Variants in COL20A1 observed in about 807,000 individuals in gnomAD.
The protein encoded by COL20A1 is collagen type XX alpha 1 chain.
In COL20A1, 164 loss-of-function variants were observed where a neutral mutation model predicts 152.9. That is an observed-to-expected ratio of 1.07 (90% CI 0.94 to 1.22). COL20A1 has a LOEUF of 1.22. Ranked by LOEUF, COL20A1 falls within the 50% of genes most tolerant of loss-of-function variation. The probability of loss-of-function intolerance (pLI) is 0.00; values close to 1 mark genes in which losing one functional copy is unlikely to be tolerated. For synonymous variants in COL20A1, 864 were observed against 756.0 expected (o/e 1.14, Z -2.34); for missense variants, 1,873 against 1,744.8 (o/e 1.07, Z -1.31).
chr20:63,305,899 G>C lies in COL20A1; in HGVS notation c.356G>C (p.Ser119Thr). Residue 119 changes from serine to threonine, a missense_variant, in exon 5 of 36, where the codon AGC (serine) becomes ACC (threonine). Coordinates refer to ENST00000358894, the MANE Select transcript of COL20A1 (RefSeq NM_020882.4). The surrounding 1 kb of genome is among the most constrained non-coding windows in gnomAD (Gnocchi z 4.9). ...REFVIEDLKS[S>T]SLDRSSQRPL... ...CCTGCAGTTGAGGATCTGAAGAGTA[G>C]CTCCCTGGACAGGAGCAGCCAGAGG... 4 of 1,613,038 alleles carry C rather than the reference G, an allele frequency of 2.5e-6. No individual in the cohort carries two copies. The highest frequency in any genetic ancestry group is 3.4e-6 in the Non-Finnish European group (4 of 1,179,850).
intron 35 of COL20A1, among the ~76,000 whole-genome samples, chr20:63,329,894 A>T (rs1029735504): frequency 6.6e-6 from 1 of 151,960 alleles, no homozygotes; most frequent in Non-Finnish European, 1.5e-5. Flanking sequence ...GTGGGGTCAC[A>T]GGACGTGGGG....
chr20:63,311,798 G>T lies in COL20A1; in HGVS notation c.1663+50G>T. 1 of 1,548,924 alleles carries T rather than the reference G, an allele frequency of 6.5e-7. No individual in the cohort carries two copies. On this transcript the variant is annotated intron_variant, in intron 13 of 35. Transcript: ENST00000358894. This position sits in a 1 kb window ranked among gnomAD's most constrained non-coding sequence, Gnocchi z 4.4. ...TGCCCACAGGCGGGTGCCCCATCTT[G>T]TTCCTCAGCCTTCCATGGCATGGGA...
chr20:63,316,973 T>C (rs1258896938), intron 21 of COL20A1, among the ~76,000 whole-genome samples: 1 of 152,198 alleles, frequency 6.6e-6, no homozygotes, highest in East Asian at 1.9e-4. Flanking sequence ...TGAGGGCTGA[T>C]CAAACACGCA....
chr20:63,307,678 C>T (rs747724671), intron 6 of COL20A1, 30 bp downstream of exon 6: 25 of 1,599,774 alleles, frequency 1.6e-5, no homozygotes, highest in Non-Finnish European at 2.1e-5. Context: ...GCCTCCTGCC[C>T]CACCCGGGTG....
At chr20:63,320,919 TG>T in intron 25 of COL20A1, 93 bp from the exon 26 acceptor site, 1 of 968,808 alleles carries the variant, frequency 1.0e-6, no homozygotes, top group Non-Finnish European at 1.6e-6. Flanking sequence ...GAAGTCTCCC[TG>T]GAGCCCAGGT....
chr20:63,311,583 C>A lies in COL20A1; in HGVS notation c.1540-42C>A, dbSNP rs1486207004. 6.2e-7 allele frequency: 1 copy of A among 1,609,908 alleles called. No homozygotes were observed. The highest frequency in any genetic ancestry group is 8.5e-7 in the Non-Finnish European group (1 of 1,179,320). ...TGGCGGGGGAGGCAGAGGAGTGGGG[C>A]AGAGCGAGTGGGGGCTGGCCTGGGA... is the stretch of plus-strand genomic sequence containing the variant. On this transcript the variant is annotated intron_variant, in intron 12 of 35. Transcript: ENST00000358894. The surrounding 1 kb of genome is among the most constrained non-coding windows in gnomAD (Gnocchi z 4.4).
At chr20:63,300,975 A>G (rs751269712) in intron 3 of COL20A1, among the ~76,000 whole-genome samples, 1 of 152,068 alleles carries the variant, frequency 6.6e-6, no homozygotes, top group South Asian at 2.1e-4. Flanking sequence ...TTCTTCCTTC[A>G]TTGCATTGTG....
intron 31 of COL20A1, chr20:63,327,070 AGGACTTCCTGTCGCTCTCCCAG>A (rs1393810961): frequency 4.6e-6 from 2 of 432,200 alleles, no homozygotes; most frequent in African/African-American, 2.1e-5. Context: ...TGACCACCCA[AGGACTTCCTGTCGCTCTCCCAG>A]GGACTTCCTG....
rs144294821 is a variant in COL20A1, at chr20:63,321,558, C to T, written c.3240+459C>T. ...CGGCTGTGAGTCACAGCCACTTGGACGGCCACTGTCCTGGGTGCTGGCAGC... is the reference window on the plus strand; with the variant it reads ...CGGCTGTGAGTCACAGCCACTTGGATGGCCACTGTCCTGGGTGCTGGCAGC... On this transcript the variant is annotated intron_variant, in intron 26 of 35. Transcript: ENST00000358894. Among the ~76,000 whole-genome samples the T allele has an allele frequency of 6.9e-3, 1,056 of 152,326 alleles. 5 individuals carry two copies. Among genetic ancestry groups the T allele is most frequent in the Non-Finnish European group, 9.6e-3 (651 of 68,016 alleles).
Position 63,313,853 on chromosome 20 carries a change from A to G in COL20A1, c.2320A>G (p.Thr774Ala). The G allele has an allele frequency of 6.2e-7, 1 of 1,609,018 alleles. No homozygotes were observed. The highest frequency in any genetic ancestry group is 8.5e-7 in the Non-Finnish European group (1 of 1,177,992). ...TGGCCGCGTGCTCCATTACTGGCTCACCTACGCCCCCGCCTCTGGCTTGGG... is the reference window on the plus strand; with the variant it reads ...TGGCCGCGTGCTCCATTACTGGCTCGCCTACGCCCCCGCCTCTGGCTTGGG... ...PLGRVLHYWL[T>A]YAPASGLGPE... The change falls in exon 18 of 36, where the codon ACC (threonine) becomes GCC (alanine). Residue 774 changes from threonine (T) to alanine (A), a missense_variant. Thr to Ala is a moderately conservative substitution (Grantham distance 58). Coordinates refer to ENST00000358894, the MANE Select transcript of COL20A1 (RefSeq NM_020882.4). The surrounding 1 kb of genome is among the most constrained non-coding windows in gnomAD (Gnocchi z 5.9).
rs1033557457 is a variant in COL20A1, at chr20:63,334,155, C to G, written c.*3439C>G. The stretch of plus-strand genomic sequence containing the variant: ...CTGGGCCATAAGAAACCTTACATTC[C>G]AAAGGATCCTGCTGTTCAGAACTCA... On this transcript the variant is annotated 3_prime_UTR_variant, in exon 36 of 36. Transcript: ENST00000358894. 1.3e-5 allele frequency: 2 copies of G among 152,170 alleles called. No individual in the cohort carries two copies. Among genetic ancestry groups the G allele is most frequent in the African/African-American group, 4.8e-5 (2 of 41,404 alleles). 9.4% of individuals were successfully genotyped at this position (152,170 alleles called of 1,614,324 possible). A position where few individuals can be genotyped will look rare whatever the true frequency, so the allele number is the denominator to read the frequency against.
At chr20:63,297,889 C>G (rs1568762269) in intron 2 of COL20A1, 21 bp from the exon 3 acceptor site, 1 of 1,601,726 alleles carries the variant, frequency 6.2e-7, no homozygotes, top group East Asian at 2.2e-5. Context: ...CAGTCCTGAC[C>G]ACTATGTCCT....
intron 21 of COL20A1, among the ~76,000 whole-genome samples, chr20:63,317,006 C>T (rs929742715): frequency 6.6e-6 from 1 of 150,956 alleles, no homozygotes; most frequent in Non-Finnish European, 1.5e-5. Flanking sequence ...TGACCTGAGG[C>T]GATGGGCCAA....
chr20:63,325,801 G>A (rs1015310518), intron 29 of COL20A1, 80 bp downstream of exon 29: 6 of 1,303,710 alleles, frequency 4.6e-6, no homozygotes, highest in Middle Eastern at 3.8e-4. Context: ...GATGGAGGCT[G>A]TGGGGTAGGG....
At position 63,326,787 on chromosome 20, in the gene COL20A1, T is replaced by A; in HGVS notation, c.3492T>A (p.Ser1164Arg). ...GCATGGCAGGGGCCAGGGGCACTAG[T>A]GGAGAGCGAGGACCTCCAGGGACCG... is the stretch of plus-strand genomic sequence containing the variant. ...FQGMAGARGT[S>R]GERGPPGTVG... The change falls in exon 31 of 36, where the codon AGT becomes AGA. Residue 1164 changes from serine (S) to arginine (R), a missense_variant. Coordinates refer to ENST00000358894, the MANE Select transcript of COL20A1 (RefSeq NM_020882.4). 6.7e-7 allele frequency: 1 copy of A among 1,500,064 alleles called. No homozygotes were observed. The highest frequency in any genetic ancestry group is 8.8e-7 in the Non-Finnish European group (1 of 1,136,538). The allele number at this position is 1,500,064 out of a possible 1,614,324, so 92.9% of individuals were successfully genotyped here.
intron 3 of COL20A1, among the ~76,000 whole-genome samples, chr20:63,299,624 G>C (rs868578830): frequency 2.6e-5 from 4 of 152,254 alleles, no homozygotes; most frequent in African/African-American, 2.4e-5. Context: ...GCTGTTTTCT[G>C]TTTTGCCTTT....
rs1400895593 is a variant in COL20A1, at chr20:63,308,046, C to T, written c.731C>T (p.Ala244Val). The T allele has an allele frequency of 1.2e-6, 2 of 1,612,578 alleles. No individual in the cohort carries two copies. Among genetic ancestry groups the T allele is most frequent in the Non-Finnish European group, 8.5e-7 (1 of 1,179,746 alleles). The change falls in exon 7 of 36, where the codon GCA becomes GTA. Residue 244 changes from alanine (A) to valine (V), a missense_variant. Transcript: ENST00000358894. The part of the protein sequence containing the change: ...NSLSTKEQVL[A>V]AVRRLRYKGG... ...CTCAGCACCAAGGAACAGGTGCTGG[C>T]AGCTGTGCGCCGCCTCCGCTACAAG...
At chr20:63,299,193 G>T (rs943429895) in intron 3 of COL20A1, among the ~76,000 whole-genome samples, 2 of 152,224 alleles carry the variant, frequency 1.3e-5, no homozygotes, top group Admixed American at 1.3e-4. Flanking sequence ...TGTAGACGCC[G>T]TGTGAGGGAT....
At chr20:63,327,895 T>C (rs2068274747) in intron 31 of COL20A1, 57 bp from the exon 32 acceptor site, 1 of 1,522,972 alleles carries the variant, frequency 6.6e-7, no homozygotes, top group Admixed American at 1.9e-5. Context: ...CTCACACTTG[T>C]CACGTGTGGT....
Sources: allele counts gnomAD v4.1 joint callset (sites outside exome capture counted in the v4.1 genomes callset), GRCh38; gene constraint gnomAD v4.1.1; non-coding constraint Gnocchi (gnomAD v3.1); transcripts MANE v1.5; gene names NCBI Gene and HGNC (gene_info 2026-07-23, HGNC 2026-07-21).